Variants in SASS6 observed in about 807,000 individuals in gnomAD.
SASS6 encodes spindle assembly abnormal protein 6 homolog.
In SASS6, 59 loss-of-function variants were observed where a neutral mutation model predicts 94.9. The ratio of observed to expected loss-of-function variants is 0.62; its 90% CI spans 0.50 to 0.77. The LOEUF is 0.77. Among genes scored for constraint, SASS6 ranks in the 30% least tolerant of loss-of-function variants. The probability of loss-of-function intolerance (pLI) is 0.00; values close to 1 mark genes in which losing one functional copy is unlikely to be tolerated. For synonymous variants in SASS6, 264 were observed against 270.0 expected, an observed-to-expected ratio of 0.98 and a Z score of 0.22; for missense variants, 698 against 734.1, an observed-to-expected ratio of 0.95 and a Z score of 0.57.
At chr1:100,111,675 T>C (rs1653340469) in intron 7 of SASS6, among the ~76,000 whole-genome samples, 1 of 152,096 alleles carries the variant, frequency 6.6e-6, no homozygotes, top group South Asian at 2.1e-4. Context: ...GTCTCTCTCA[T>C]AAAATACCTT....
intron 14 of SASS6, among the ~76,000 whole-genome samples, chr1:100,093,124 G>T (rs982079820): frequency 3.4e-5 from 5 of 146,876 alleles, no homozygotes; most frequent in Non-Finnish European, 4.5e-5. Context: ...AATACAAAGA[G>T]ATATATTTAA....
rs1360484749 is a variant in SASS6 at position 100,083,871 on chromosome 1, C to T, written c.*1457G>A. The T allele has an allele frequency of 6.6e-6, 1 of 151,952 alleles. No homozygotes were observed. The highest frequency in any genetic ancestry group is 1.5e-5 in the Non-Finnish European group (1 of 67,920). The allele number at this position is 151,952 out of a possible 1,614,324, so 9.4% of individuals were successfully genotyped here. On this transcript the variant is annotated 3_prime_UTR_variant, in exon 17 of 17. Transcript: ENST00000287482. ...CATGCATCCCATCCAAAACATGTCA[C>T]AATATTTTATATATATTACATAGTA... is the stretch of plus-strand genomic sequence containing the variant.
intron 14 of SASS6, among the ~76,000 whole-genome samples, chr1:100,092,462 T>C (rs1476940642): frequency 6.6e-6 from 1 of 152,182 alleles, no homozygotes; most frequent in Non-Finnish European, 1.5e-5. Context: ...GAAATTATAC[T>C]GTAGAAGAAC....
intron 3 of SASS6, 37 bp downstream of exon 3, chr1:100,123,173 T>C (rs776672983): frequency 8.1e-6 from 7 of 859,012 alleles, no homozygotes; most frequent in Non-Finnish European, 1.1e-5. Context: ...AAACTTATTT[T>C]TTCACTAAAT....
intron 7 of SASS6, among the ~76,000 whole-genome samples, chr1:100,118,760 G>T (rs200658544): frequency 3.9e-4 from 4 of 10,174 alleles, no homozygotes; most frequent in Non-Finnish European, 1.9e-3. Flanking sequence ...ATAATTTACA[G>T]AGTTATAAGT....
chr1:100,121,872 T>C (rs527936152), intron 4 of SASS6, among the ~76,000 whole-genome samples: 77 of 152,360 alleles, frequency 5.1e-4, no homozygotes, highest in Non-Finnish European at 7.3e-4. Context: ...TTATCCTTTA[T>C]GAATTTTCTG....
At chr1:100,130,885 T>C (rs959481983) in intron 1 of SASS6, among the ~76,000 whole-genome samples, 3 of 152,178 alleles carry the variant, frequency 2.0e-5, no homozygotes, top group African/African-American at 2.4e-5. Flanking sequence ...CAAATGAGCA[T>C]GGCTGTATTC....
At chr1:100,126,661 C>G (rs1654644811) in intron 1 of SASS6, among the ~76,000 whole-genome samples, 1 of 152,074 alleles carries the variant, frequency 6.6e-6, no homozygotes, top group South Asian at 2.1e-4. Context: ...CCTGTAGTCC[C>G]AGCTATTTGG....
At chr1:100,115,986 A>T (rs558530483) in intron 7 of SASS6, among the ~76,000 whole-genome samples, 1 of 152,316 alleles carries the variant, frequency 6.6e-6, no homozygotes, top group African/African-American at 2.4e-5. Context: ...AAATATTAGA[A>T]TATAGGAGAA....
At chr1:100,109,369 T>C (rs1161732178) in intron 8 of SASS6, among the ~76,000 whole-genome samples, 2 of 152,084 alleles carry the variant, frequency 1.3e-5, no homozygotes, top group Non-Finnish European at 2.9e-5. Context: ...AGACAAAATC[T>C]ACATATATTT....
intron 14 of SASS6, 145 bp from the exon 15 acceptor site, chr1:100,088,381 C>G (rs932692262): frequency 2.0e-6 from 1 of 507,830 alleles, no homozygotes; most frequent in Non-Finnish European, 3.6e-6. Flanking sequence ...GTCCCAATCT[C>G]CTGGGCTCAA....
chr1:100,122,546 T>TG, intron 3 of SASS6, 62 bp from the exon 4 acceptor site: 2 of 470,612 alleles, frequency 4.2e-6, no homozygotes, highest in Non-Finnish European at 7.1e-6. Context: ...TTTGTTTTGG[T>TG]GCCTTTTTTT....
At chr1:100,125,265 G>A (rs913194832) in intron 2 of SASS6, among the ~76,000 whole-genome samples, 2 of 147,906 alleles carry the variant, frequency 1.4e-5, no homozygotes, top group Non-Finnish European at 1.5e-5. Context: ...ATGACCAACA[G>A]CAATAAAATA....
chr1:100,111,596 G>C (rs1653333954), intron 7 of SASS6, among the ~76,000 whole-genome samples: 1 of 151,970 alleles, frequency 6.6e-6, no homozygotes, highest in Non-Finnish European at 1.5e-5. Context: ...AAAGCTTGAT[G>C]CAAGTTCCAA....
intron 5 of SASS6, among the ~76,000 whole-genome samples, chr1:100,120,805 C>T (rs904030929): frequency 2.0e-5 from 3 of 151,984 alleles, no homozygotes; most frequent in African/African-American, 7.3e-5. Context: ...AGTCCCAGCA[C>T]TTTGGGAGGC....
chr1:100,122,345 T>C lies in SASS6; in HGVS notation c.311+35A>G, dbSNP rs781764937. ...TTTCAAAGAAGAGTCTGTCTTGAAT[T>C]AAATTTAATAATGTAGCATTCTCAT... On this transcript the variant is annotated intron_variant, in intron 4 of 16. Transcript: ENST00000287482. 3.5e-5 allele frequency: 33 copies of C among 932,726 alleles called. No homozygotes were observed. The East Asian group carries it at 7.5e-4, about 21-fold the overall frequency. 57.8% of individuals were successfully genotyped at this position (932,726 alleles called of 1,614,324 possible).
chr1:100,113,106 A>C (rs1653474120), intron 7 of SASS6, among the ~76,000 whole-genome samples: 1 of 152,220 alleles, frequency 6.6e-6, no homozygotes, highest in Non-Finnish European at 1.5e-5. Context: ...TTCCATGGAC[A>C]ATAGACAAGG....
At chr1:100,127,918 T>C (rs1654738722) in intron 1 of SASS6, among the ~76,000 whole-genome samples, 1 of 151,302 alleles carries the variant, frequency 6.6e-6, no homozygotes, top group African/African-American at 2.5e-5. Context: ...CTCTACATCA[T>C]TATGTTTGGT....
At chr1:100,099,394 C>T (rs189368279) in intron 14 of SASS6, 1 of 153,688 alleles carries the variant, frequency 6.5e-6, no homozygotes, top group Admixed American at 6.5e-5. Context: ...AGAATAAAGC[C>T]AAAAGAGACC....
Sources: allele counts gnomAD v4.1 joint callset (sites outside exome capture counted in the v4.1 genomes callset), GRCh38; gene constraint gnomAD v4.1.1; transcripts MANE v1.5; gene names NCBI Gene and HGNC (gene_info 2026-07-23, HGNC 2026-07-21).